Variants in RASA2 observed in about 807,000 individuals in gnomAD.
The protein encoded by RASA2 is RAS p21 protein activator 2.
Under a neutral mutation model 118.2 loss-of-function variants are expected in RASA2, and 155 were observed. The ratio of observed to expected loss-of-function variants is 1.31; its 90% confidence interval spans 1.15 to 1.50. The LOEUF (loss-of-function observed/expected upper bound fraction) is 1.50, where lower values mean the gene tolerates loss of function less well. Among genes scored for constraint, RASA2 ranks in the 40% most tolerant of loss-of-function variants. The probability of loss-of-function intolerance (pLI) is 0.00; values close to 1 mark genes in which losing one functional copy is unlikely to be tolerated. For missense variants in RASA2, 1,016 were observed against 1,009.6 expected, an observed-to-expected ratio of 1.01 and a Z score of -0.09; for synonymous variants, 353 against 349.1, an observed-to-expected ratio of 1.01 and a Z score of -0.12.
chr3:141,611,259 C>G (rs1027939573), intron 23 of RASA2, among the ~76,000 whole-genome samples: 1 of 152,214 alleles, frequency 6.6e-6, no homozygotes, highest in Non-Finnish European at 1.5e-5. Context: ...TTTCTCTCCT[C>G]CTCAAGCTTG....
chr3:141,559,964 G>T lies in RASA2; in HGVS notation c.832G>T (p.Val278Leu), dbSNP rs201964495. The change falls in exon 9 of 24, where the codon GTA becomes TTA. Residue 278 changes from valine to leucine, a missense_variant. Val to Leu is a conservative substitution (Grantham distance 32). Transcript: ENST00000286364. The part of the protein sequence containing the change: ...FLGEIKVPVN[V>L]LRTDSSHQAW... ...AGGTGAGATTAAGGTTCCTGTGAAC[G>T]TATTAAGAACTGATTCCTCTCATCA... 5 of 1,613,104 alleles carry T rather than the reference G, an allele frequency of 3.1e-6. No homozygotes were observed. Among genetic ancestry groups the T allele is most frequent in the African/African-American group, 2.7e-5 (2 of 74,996 alleles).
intron 1 of RASA2, among the ~76,000 whole-genome samples, chr3:141,493,297 T>A (rs998015441): frequency 1.3e-5 from 2 of 152,224 alleles, no homozygotes; most frequent in Non-Finnish European, 2.9e-5. Context: ...TTAAGAACTT[T>A]GTGAAGTGGT....
At chr3:141,489,042 G>T (rs933959849) in intron 1 of RASA2, among the ~76,000 whole-genome samples, 6 of 151,754 alleles carry the variant, frequency 4.0e-5, no homozygotes, top group South Asian at 2.1e-4. Context: ...TTAAAAAAAA[G>T]AAAAACAAAA....
At chr3:141,580,085 A>AAAAAAT (rs1553797703) in intron 15 of RASA2, among the ~76,000 whole-genome samples, 22 of 59,614 alleles carry the variant, frequency 3.7e-4, no homozygotes, top group African/African-American at 4.8e-4. Flanking sequence ...AAAAAAAAAA[A>AAAAAAT]ATATATATAT....
chr3:141,562,623 A>G (rs2082750449), intron 9 of RASA2, among the ~76,000 whole-genome samples: 1 of 150,960 alleles, frequency 6.6e-6, no homozygotes, highest in Non-Finnish European at 1.5e-5. Context: ...CTCCGTCTCA[A>G]AAAAAGAAAA....
chr3:141,556,152 T>C (rs761701472), intron 7 of RASA2, among the ~76,000 whole-genome samples: 1 of 152,146 alleles, frequency 6.6e-6, no homozygotes, highest in Non-Finnish European at 1.5e-5. Context: ...TCCCCAGTCA[T>C]CCTCACTATT....
chr3:141,580,507 A>G (rs763238192), intron 16 of RASA2, 56 bp downstream of exon 16: 23 of 1,351,808 alleles, frequency 1.7e-5, no homozygotes, highest in Middle Eastern at 2.3e-4. Flanking sequence ...GTTACATCCT[A>G]TGATCCCTTA....
intron 1 of RASA2, among the ~76,000 whole-genome samples, chr3:141,503,825 C>T (rs2081822216): frequency 1.3e-5 from 2 of 152,136 alleles, no homozygotes; most frequent in African/African-American, 4.8e-5. Context: ...AACTTCAGCA[C>T]TGGTTTATTT....
intron 23 of RASA2, 125 bp downstream of exon 23, chr3:141,610,191 G>T: frequency 1.3e-6 from 1 of 757,424 alleles, no homozygotes; most frequent in South Asian, 2.9e-5. Context: ...CCATTCTCTG[G>T]TGCAAGTTTC....
chr3:141,541,842 G>T (rs1231219828), intron 5 of RASA2, among the ~76,000 whole-genome samples: 1 of 150,326 alleles, frequency 6.7e-6, no homozygotes, highest in Non-Finnish European at 1.5e-5. Flanking sequence ...TCTCAATTTG[G>T]ATTTACCTAC....
chr3:141,580,085 A>AAAATATAT (rs1553797703), intron 15 of RASA2, among the ~76,000 whole-genome samples: 30 of 59,590 alleles, frequency 5.0e-4, no homozygotes, highest in East Asian at 2.4e-3. Context: ...AAAAAAAAAA[A>AAAATATAT]ATATATATAT....
intron 19 of RASA2, among the ~76,000 whole-genome samples, chr3:141,591,550 T>C (rs890331790): frequency 2.6e-5 from 4 of 152,242 alleles, no homozygotes; most frequent in African/African-American, 9.6e-5. Flanking sequence ...AAGAACACCA[T>C]GTCTTCCATA....
Position 141,529,713 on chromosome 3 carries a change from G to T in RASA2, c.361G>T (p.Val121Leu). 6.2e-7 allele frequency: 1 copy of T among 1,608,566 alleles called. No individual in the cohort carries two copies. The highest frequency in any genetic ancestry group is 8.5e-7 in the Non-Finnish European group (1 of 1,175,738). ...VLQRDLRIGK[V>L]AIKKEDLCNH... ...GTTTTACTTATTTTCTGTAGGAAAA[G>T]TAGCCATCAAAAAAGAAGACTTGTG... The change falls in exon 4 of 24, where the codon GTA becomes TTA. Residue 121 changes from valine to leucine, a missense_variant. Val to Leu is a conservative substitution (Grantham distance 32). This residue lies in a region of RASA2 where 896 missense variants were observed against 836.4 expected (regional missense o/e 1.07). Coordinates refer to ENST00000286364, the MANE Select transcript of RASA2 (RefSeq NM_006506.5).
At chr3:141,531,008 A>G (rs1312623458) in intron 4 of RASA2, among the ~76,000 whole-genome samples, 1 of 152,156 alleles carries the variant, frequency 6.6e-6, no homozygotes, top group Non-Finnish European at 1.5e-5. Flanking sequence ...TTCGATTCAT[A>G]TGGTTGTGAG....
At position 141,613,672 on chromosome 3, in the gene RASA2, T is replaced by C. The variant is rs1325856528; in HGVS notation, c.*1359T>C. On this transcript the variant is annotated 3_prime_UTR_variant, in exon 24 of 24. Transcript: ENST00000286364. ...TGTAAGTCTGCTAGTAGTACTTTTT[T>C]TGTCTGAGCATAAGCTATATTTCAA... 6.6e-6 allele frequency: 1 copy of C among 152,252 alleles called. No individual in the cohort carries two copies. The highest frequency in any genetic ancestry group is 1.5e-5 in the Non-Finnish European group (1 of 68,044). The allele number at this position is 152,252 out of a possible 1,614,324, so 9.4% of individuals were successfully genotyped here. A position where few individuals can be genotyped will look rare whatever the true frequency, so the allele number is the denominator to read the frequency against.
intron 4 of RASA2, among the ~76,000 whole-genome samples, chr3:141,530,944 T>TA (rs1452841914): frequency 6.6e-6 from 1 of 152,140 alleles, no homozygotes; most frequent in Non-Finnish European, 1.5e-5. Flanking sequence ...TATATGTAGT[T>TA]ACTTAAATGA....
intron 9 of RASA2, among the ~76,000 whole-genome samples, chr3:141,570,498 T>C (rs1164856652): frequency 6.6e-6 from 1 of 152,180 alleles, no homozygotes; most frequent in African/African-American, 2.4e-5. Context: ...GAGATTACAG[T>C]CATGAGCCAC....
At chr3:141,554,263 T>C (rs1364743987) in intron 6 of RASA2, among the ~76,000 whole-genome samples, 1 of 152,222 alleles carries the variant, frequency 6.6e-6, no homozygotes, top group Non-Finnish European at 1.5e-5. Flanking sequence ...TTTTCAAATA[T>C]CCTGAATTTT....
At chr3:141,606,529 A>G (rs149259621) in intron 19 of RASA2, among the ~76,000 whole-genome samples, 5 of 152,246 alleles carry the variant, frequency 3.3e-5, no homozygotes, top group African/African-American at 1.2e-4. Context: ...TATATGATCT[A>G]TTTACAGCTA....
Sources: allele counts gnomAD v4.1 joint callset (sites outside exome capture counted in the v4.1 genomes callset), GRCh38; gene constraint gnomAD v4.1.1; regional missense constraint gnomAD v4.1.1; transcripts MANE v1.5; gene names NCBI Gene and HGNC (gene_info 2026-07-23, HGNC 2026-07-21).